Variants in PLCB1 observed in about 807,000 individuals in gnomAD.
PLCB1 encodes the protein phospholipase C beta 1.
In PLCB1, 46 loss-of-function variants were observed where a neutral mutation model predicts 161.8. That is an observed-to-expected ratio of 0.28 (90% CI 0.22 to 0.36). The LOEUF is 0.36. Ranked by LOEUF, PLCB1 falls within the 10% of genes least tolerant of loss-of-function variation. The pLI is 1.00. For synonymous variants in PLCB1, 517 were observed against 503.7 expected, an observed-to-expected ratio of 1.03 and a Z score of -0.35; for missense variants, 1,016 against 1,472.5, an observed-to-expected ratio of 0.69 and a Z score of 5.07.
At chr20:8,668,339 G>A (rs1428350747) in intron 9 of PLCB1, among the ~76,000 whole-genome samples, 2 of 152,126 alleles carry the variant, frequency 1.3e-5, no homozygotes, top group African/African-American at 4.8e-5. Context: ...CAGTCTCTAG[G>A]ATGCCAGCTG....
At chr20:8,437,078 C>G (rs2122598171) in intron 3 of PLCB1, among the ~76,000 whole-genome samples, 1 of 152,300 alleles carries the variant, frequency 6.6e-6, no homozygotes, top group African/African-American at 2.4e-5. Context: ...GCATGAGCCA[C>G]CGAGCCTGGT....
At chr20:8,332,285 T>C (rs2122195619) in intron 2 of PLCB1, among the ~76,000 whole-genome samples, 1 of 152,348 alleles carries the variant, frequency 6.6e-6, no homozygotes, top group South Asian at 2.1e-4. Context: ...CCTCTGCTTC[T>C]GCATTCTACT....
chr20:8,269,575 G>A (rs1186453908), intron 2 of PLCB1, among the ~76,000 whole-genome samples: 1 of 152,048 alleles, frequency 6.6e-6, no homozygotes, highest in Non-Finnish European at 1.5e-5. Context: ...AAATGGAGTC[G>A]TAAAGTAATA....
chr20:8,718,829 A>G (rs6056033), intron 14 of PLCB1, among the ~76,000 whole-genome samples: 95,026 of 152,036 alleles, frequency 0.63, 30,179 homozygotes, highest in South Asian at 0.72. Context: ...GGAAATATTA[A>G]CTATAGAACT....
intron 3 of PLCB1, among the ~76,000 whole-genome samples, chr20:8,425,009 A>G (rs1043356137): frequency 3.3e-5 from 5 of 152,132 alleles, no homozygotes; most frequent in African/African-American, 9.7e-5. Flanking sequence ...GTAGCCTGCA[A>G]TCGGTCTGAT....
At chr20:8,582,673 A>G (rs1568516963) in intron 3 of PLCB1, among the ~76,000 whole-genome samples, 1 of 152,174 alleles carries the variant, frequency 6.6e-6, no homozygotes, top group African/African-American at 2.4e-5. Context: ...TATCCATACA[A>G]TGTAATATTA....
At chr20:8,638,768 A>G (rs1988848650) in intron 4 of PLCB1, among the ~76,000 whole-genome samples, 2 of 152,186 alleles carry the variant, frequency 1.3e-5, no homozygotes, top group African/African-American at 4.8e-5. Context: ...AACATGAATT[A>G]TCCCAATTCT....
chr20:8,348,807 G>T (rs1986082513), intron 2 of PLCB1, among the ~76,000 whole-genome samples: 1 of 152,100 alleles, frequency 6.6e-6, no homozygotes, highest in Non-Finnish European at 1.5e-5. Context: ...TTAGCAGTTG[G>T]TTTTATTTCC....
intron 3 of PLCB1, 61 bp downstream of exon 3, chr20:8,371,511 A>G (rs1986903297): frequency 2.7e-6 from 3 of 1,130,194 alleles, no homozygotes; most frequent in East Asian, 2.4e-5. Flanking sequence ...CTGTGTCACA[A>G]TATCAATTAA....
chr20:8,603,066 AC>A (rs1987641457), intron 3 of PLCB1, among the ~76,000 whole-genome samples: 2 of 152,242 alleles, frequency 1.3e-5, no homozygotes, highest in Non-Finnish European at 2.9e-5. Context: ...TATGAAGGAC[AC>A]CGAAACACAG....
intron 7 of PLCB1, among the ~76,000 whole-genome samples, chr20:8,650,971 A>C (rs954430699): frequency 6.6e-6 from 1 of 152,182 alleles, no homozygotes; most frequent in Non-Finnish European, 1.5e-5. Context: ...CACAAGGTAC[A>C]TCATATACAT....
intron 2 of PLCB1, among the ~76,000 whole-genome samples, chr20:8,222,484 C>A (rs1200520211): frequency 6.6e-6 from 1 of 152,090 alleles, no homozygotes; most frequent in East Asian, 1.9e-4. Context: ...TTGTATTACT[C>A]TAGTGGCTTT....
intron 3 of PLCB1, among the ~76,000 whole-genome samples, chr20:8,441,019 A>G (rs2122611789): frequency 6.6e-6 from 1 of 152,248 alleles, no homozygotes; most frequent in Middle Eastern, 3.4e-3. Flanking sequence ...GGTGGAAAAA[A>G]TTCAAGAAAC....
intron 3 of PLCB1, among the ~76,000 whole-genome samples, chr20:8,500,504 G>A (rs894099531): frequency 6.6e-6 from 1 of 152,126 alleles, no homozygotes; most frequent in African/African-American, 2.4e-5. Context: ...GCTGCATAGG[G>A]ATCACAGGAG....
At chr20:8,638,851 T>C (rs1988851013) in intron 4 of PLCB1, among the ~76,000 whole-genome samples, 1 of 145,792 alleles carries the variant, frequency 6.9e-6, no homozygotes, top group East Asian at 2.0e-4. Context: ...GAGGACAAAT[T>C]TAAAAAGACT....
At chr20:8,144,411 A>AT (rs1441542629) in intron 1 of PLCB1, among the ~76,000 whole-genome samples, 1 of 151,982 alleles carries the variant, frequency 6.6e-6, no homozygotes, top group Non-Finnish European at 1.5e-5. Context: ...GTTAAAAGGG[A>AT]TTTTTCTGCT....
At chr20:8,648,901 ACT>A in intron 6 of PLCB1, among the ~76,000 whole-genome samples, 2 of 151,562 alleles carry the variant, frequency 1.3e-5, no homozygotes, top group African/African-American at 4.9e-5. Context: ...GGATCATGCC[ACT>A]GCACTCCAGC....
chr20:8,564,334 T>C (rs1986250657), intron 3 of PLCB1, among the ~76,000 whole-genome samples: 1 of 152,142 alleles, frequency 6.6e-6, no homozygotes, highest in African/African-American at 2.4e-5. Context: ...CAAATTTAAC[T>C]CAAGATGGAT....
At chr20:8,563,801 C>A (rs1368713002) in intron 3 of PLCB1, among the ~76,000 whole-genome samples, 1 of 151,950 alleles carries the variant, frequency 6.6e-6, no homozygotes, top group Non-Finnish European at 1.5e-5. Flanking sequence ...ATGTGAAGGA[C>A]CCCTTCAAGG....
Sources: allele counts gnomAD v4.1 joint callset (sites outside exome capture counted in the v4.1 genomes callset), GRCh38; gene constraint gnomAD v4.1.1; transcripts MANE v1.5; gene names NCBI Gene and HGNC (gene_info 2026-07-23, HGNC 2026-07-21).